The following GUCY2C variants were observed in gnomAD, a reference collection of about 807,000 sequenced individuals.
GUCY2C encodes guanylate cyclase 2C, also known as guanylyl cyclase C.
In GUCY2C, 118 loss-of-function variants were observed where a neutral mutation model predicts 131.1. The observed-to-expected ratio is 0.90, with a 90% CI of 0.78 to 1.05. The LOEUF (loss-of-function observed/expected upper bound fraction) is 1.05. Among genes scored for constraint, GUCY2C ranks in the 50% least tolerant of loss-of-function variants. The pLI, the probability that GUCY2C is intolerant of heterozygous loss-of-function variation, is 0.00. For missense variants in GUCY2C, 1,161 were observed against 1,304.4 expected, an observed-to-expected ratio of 0.89 and a Z score of 1.69; for synonymous variants, 452 against 457.8, an observed-to-expected ratio of 0.99 and a Z score of 0.16.
At position 14,614,892 on chromosome 12, in the gene GUCY2C, A is replaced by G; in HGVS notation, c.3022T>C (p.Phe1008Leu). 1 of 1,586,738 alleles carries G rather than the reference A, an allele frequency of 6.3e-7. No homozygotes were observed. Among genetic ancestry groups the G allele is most frequent in the Non-Finnish European group, 8.6e-7 (1 of 1,169,482 alleles). ...ACAGTAGGAGGGGTTGGCAGGTTGA[A>G]TTTCTGGTCCTTCATCCCAGTCAGC... Reference protein sequence around the residue: ...YWLTGMKDQKFNLPTPPTVEN... With the variant: ...YWLTGMKDQKLNLPTPPTVEN... Residue 1008 changes from phenylalanine (F) to leucine (L), a missense_variant, in exon 26 of 27, where the codon TTC (phenylalanine) becomes CTC (leucine). Physicochemically the swap from Phe to Leu is conservative, Grantham distance 22. Transcript: ENST00000261170.
chr12:14,688,590 T>C (rs247327), intron 1 of GUCY2C, among the ~76,000 whole-genome samples: 32,293 of 152,164 alleles, frequency 0.21, 4,043 homozygotes, highest in African/African-American at 0.31. Flanking sequence ...GATCTTTATC[T>C]ATCCAGTCAA....
intron 1 of GUCY2C, among the ~76,000 whole-genome samples, chr12:14,695,925 G>A (rs939634443): frequency 6.6e-6 from 1 of 152,100 alleles, no homozygotes. Flanking sequence ...CTAAATTGCT[G>A]AGATTACAGA....
At chr12:14,645,104 C>T (rs1947493439) in intron 16 of GUCY2C, 125 bp downstream of exon 16, 1 of 603,700 alleles carries the variant, frequency 1.7e-6, no homozygotes, top group South Asian at 2.2e-5. Context: ...ATCCTACAAC[C>T]CTATGACATA....
chr12:14,641,290 G>A (rs1449800605), intron 17 of GUCY2C, 71 bp from the exon 18 acceptor site: 1 of 1,437,526 alleles, frequency 7.0e-7, no homozygotes, highest in Non-Finnish European at 9.8e-7. Context: ...ACCTGCTTTT[G>A]CTCTCTAATT....
intron 3 of GUCY2C, among the ~76,000 whole-genome samples, chr12:14,684,664 TTTTC>T (rs1356198715): frequency 7.2e-6 from 1 of 138,448 alleles, no homozygotes; most frequent in Admixed American, 7.5e-5. Context: ...CTTTCCTTCC[TTTTC>T]TTTCTCTCTT....
chr12:14,623,573 T>C (rs1329747512), intron 21 of GUCY2C, among the ~76,000 whole-genome samples: 1 of 152,202 alleles, frequency 6.6e-6, no homozygotes, highest in East Asian at 1.9e-4. Context: ...TTGCAATTCA[T>C]TGTACTGCTT....
intron 12 of GUCY2C, among the ~76,000 whole-genome samples, chr12:14,655,277 G>C (rs79670709): frequency 0.03 from 4,633 of 152,274 alleles, 260 homozygotes; most frequent in African/African-American, 0.11. Flanking sequence ...TGGAAATTCA[G>C]TAGCCTTAAG....
chr12:14,681,169 G>A (rs1249654508), intron 5 of GUCY2C, among the ~76,000 whole-genome samples, 187 bp downstream of exon 5: 1 of 152,044 alleles, frequency 6.6e-6, no homozygotes, highest in Non-Finnish European at 1.5e-5. Context: ...CAGAGGATAA[G>A]GTTTTTAGTC....
chr12:14,642,922 A>C (rs6488704), intron 17 of GUCY2C, among the ~76,000 whole-genome samples: 146,460 of 152,262 alleles, frequency 0.96, 70,704 homozygotes, highest in Middle Eastern at 1. Context: ...TGGTGTTTGG[A>C]TCTAGGTAGT....
intron 16 of GUCY2C, among the ~76,000 whole-genome samples, chr12:14,644,371 A>T (rs547226002): frequency 1.3e-4 from 20 of 152,350 alleles, no homozygotes; most frequent in Middle Eastern, 3.4e-3. Context: ...GTCTCAAAAA[A>T]TAAAAAAATA....
rs151286586 is a variant in GUCY2C at position 14,618,153 on chromosome 12, C to T, written c.2875+1058G>A. The stretch of plus-strand genomic sequence containing the variant: ...TGCAGCACATTGTGCCTCTACCTTG[C>T]CAAGCAAATGCAATATATTCCTTCG... On this transcript the variant is annotated intron_variant, in intron 24 of 26. Coordinates refer to ENST00000261170, the MANE Select transcript of GUCY2C (RefSeq NM_004963.4). 1.9e-4 allele frequency among the ~76,000 whole-genome samples: 29 copies of T among 152,272 alleles called. No individual in the cohort carries two copies. The East Asian group carries it at 5.6e-3, about 29-fold the overall frequency.
intron 25 of GUCY2C, among the ~76,000 whole-genome samples, chr12:14,615,859 G>A (rs2136969117): frequency 6.6e-6 from 1 of 152,226 alleles, no homozygotes; most frequent in African/African-American, 2.4e-5. Context: ...AAGGCCAGAA[G>A]CATTATGGCT....
chr12:14,685,356 A>G (rs1043352650), intron 3 of GUCY2C, among the ~76,000 whole-genome samples: 3 of 152,178 alleles, frequency 2.0e-5, no homozygotes, highest in Non-Finnish European at 2.9e-5. Flanking sequence ...GTGTGAGGTG[A>G]CAAAAGCAAA....
At chr12:14,622,927 G>A (rs1406868761) in intron 21 of GUCY2C, among the ~76,000 whole-genome samples, 1 of 152,132 alleles carries the variant, frequency 6.6e-6, no homozygotes, top group African/African-American at 2.4e-5. Flanking sequence ...TCCATACTTG[G>A]TGTGCCAAGT....
chr12:14,681,495 G>C lies in GUCY2C; in HGVS notation c.612-18C>G, dbSNP rs1418547466. ...TAAGGTACCTGGAATAGGAAAAAGA[G>C]AAACTAAAACAGCTTACTTCCCTCA... On this transcript the variant is annotated intron_variant, in intron 4 of 26. Transcript: ENST00000261170. 1 of 1,047,062 alleles carries C rather than the reference G, an allele frequency of 9.6e-7. No individual in the cohort carries two copies. The highest frequency in any genetic ancestry group is 1.6e-5 in the African/African-American group (1 of 63,866). The allele number at this position is 1,047,062 out of a possible 1,614,324, so 64.9% of individuals were successfully genotyped here.
At chr12:14,665,425 A>G (rs1947958461) in intron 10 of GUCY2C, among the ~76,000 whole-genome samples, 2 of 152,170 alleles carry the variant, frequency 1.3e-5, no homozygotes, top group South Asian at 2.1e-4. Context: ...TGAGTAAAAG[A>G]TAAGTAGGGA....
chr12:14,677,368 T>C (rs529906946), intron 6 of GUCY2C, among the ~76,000 whole-genome samples: 3 of 152,190 alleles, frequency 2.0e-5, no homozygotes, highest in Non-Finnish European at 4.4e-5. Context: ...ACTAAACTTA[T>C]GTTTTAGATG....
chr12:14,689,347 T>G (rs187242775), intron 1 of GUCY2C, among the ~76,000 whole-genome samples: 8 of 151,954 alleles, frequency 5.3e-5, no homozygotes, highest in Non-Finnish European at 1.0e-4. Flanking sequence ...GGAGCAGGTT[T>G]GCTAATGTGG....
intron 19 of GUCY2C, among the ~76,000 whole-genome samples, chr12:14,636,620 G>A (rs1947275529): frequency 6.6e-6 from 1 of 152,064 alleles, no homozygotes; most frequent in South Asian, 2.1e-4. Context: ...ATTCAACATA[G>A]TACTGAAAGT....
Sources: gnomAD v4.1 joint callset for allele counts (sites outside exome capture counted in the v4.1 genomes callset) on GRCh38, gnomAD v4.1.1 for gene constraint, MANE v1.5 for transcripts, NCBI Gene and HGNC (gene_info 2026-07-23, HGNC 2026-07-21) for gene names.